The following PDE10A variants were observed in gnomAD, a reference collection of about 807,000 sequenced individuals.
PDE10A encodes the protein phosphodiesterase 10A.
Under a neutral mutation model 97.7 loss-of-function variants are expected in PDE10A, and 39 were observed. That is an observed-to-expected ratio of 0.40 (90% CI 0.31 to 0.52). The LOEUF is 0.52. PDE10A is among the 20% of genes least tolerant of loss of function. PDE10A has a pLI of 0.56. For synonymous variants in PDE10A, 371 were observed against 376.8 expected, an observed-to-expected ratio of 0.98 and a Z score of 0.18; for missense variants, 731 against 1,047.8, an observed-to-expected ratio of 0.70 and a Z score of 4.17.
At position 165,671,772 on chromosome 6, in the gene PDE10A, G is replaced by A. The variant is rs943346893; in HGVS notation, c.-614-128204C>T. 6.6e-6 allele frequency among the ~76,000 whole-genome samples: 1 copy of A among 152,088 alleles called. No individual in the cohort carries two copies. Among genetic ancestry groups the A allele is most frequent in the Non-Finnish European group, 1.5e-5 (1 of 68,026 alleles). On this transcript the variant is annotated intron_variant, in intron 1 of 19. Transcript: ENST00000366882. The surrounding 1 kb of genome is among the most constrained non-coding windows in gnomAD (Gnocchi z 4.6). ...GTGTTTACATATATACAGTGTGTGT[G>A]TGCTTTATTCTCTAAGGCAGGATGT... is the stretch of plus-strand genomic sequence containing the variant.
At chr6:165,834,352 C>T (rs1193319298) in intron 1 of PDE10A, among the ~76,000 whole-genome samples, 1 of 152,228 alleles carries the variant, frequency 6.6e-6, no homozygotes, top group Non-Finnish European at 1.5e-5. Flanking sequence ...ACACAGCACC[C>T]CTGAAGCAAG....
chr6:165,895,678 C>G (rs1373546520), intron 1 of PDE10A, among the ~76,000 whole-genome samples: 1 of 152,192 alleles, frequency 6.6e-6, no homozygotes, highest in Non-Finnish European at 1.5e-5. Context: ...CAAGCCTGCA[C>G]GTGCCCAAGT....
chr6:165,411,968 C>T (rs1319145545), intron 13 of PDE10A, among the ~76,000 whole-genome samples: 1 of 151,890 alleles, frequency 6.6e-6, no homozygotes, highest in Non-Finnish European at 1.5e-5. Flanking sequence ...AAGAAAAATT[C>T]ACGAACAGTT....
intron 1 of PDE10A, among the ~76,000 whole-genome samples, chr6:165,938,517 C>T (rs539193494): frequency 1.3e-5 from 2 of 152,220 alleles, no homozygotes; most frequent in Admixed American, 6.5e-5. Flanking sequence ...CTGAGGGCGC[C>T]AAGGGACCCT....
chr6:165,596,285 A>G (rs770282347), intron 1 of PDE10A, among the ~76,000 whole-genome samples: 1 of 152,130 alleles, frequency 6.6e-6, no homozygotes, highest in Non-Finnish European at 1.5e-5. Flanking sequence ...TGTGTCCACC[A>G]CGGCCCCAGC....
At chr6:165,573,317 T>A (rs1785142831) in intron 1 of PDE10A, among the ~76,000 whole-genome samples, 1 of 151,684 alleles carries the variant, frequency 6.6e-6, no homozygotes, top group South Asian at 2.1e-4. Flanking sequence ...GCGTTTGGCC[T>A]ATGCATTAGT....
intron 1 of PDE10A, among the ~76,000 whole-genome samples, chr6:165,758,062 C>T (rs904396529): frequency 2.6e-5 from 4 of 152,192 alleles, no homozygotes; most frequent in Non-Finnish European, 4.4e-5. Flanking sequence ...CCTGAACTGT[C>T]ATTAGTGACA....
intron 1 of PDE10A, among the ~76,000 whole-genome samples, chr6:165,610,381 A>G (rs1421952264): frequency 6.6e-6 from 1 of 152,012 alleles, no homozygotes; most frequent in Non-Finnish European, 1.5e-5. Flanking sequence ...AATACAAAAA[A>G]CTAGCTGGGC....
intron 1 of PDE10A, among the ~76,000 whole-genome samples, chr6:165,951,657 C>A (rs1044750749): frequency 6.6e-6 from 1 of 152,142 alleles, no homozygotes; most frequent in Non-Finnish European, 1.5e-5. Flanking sequence ...CACTGACTCC[C>A]CCATTTAGAC....
chr6:165,900,664 G>A (rs1371604148), intron 1 of PDE10A, among the ~76,000 whole-genome samples: 2 of 152,234 alleles, frequency 1.3e-5, no homozygotes, highest in African/African-American at 4.8e-5. Context: ...CAAACCCAGT[G>A]AGTATTGGTT....
chr6:165,658,155 A>T (rs2128429392), intron 1 of PDE10A, among the ~76,000 whole-genome samples: 1 of 152,318 alleles, frequency 6.6e-6, no homozygotes, highest in African/African-American at 2.4e-5. Flanking sequence ...TGTAGTTTGT[A>T]CGTGTTAAAC....
intron 13 of PDE10A, among the ~76,000 whole-genome samples, chr6:165,405,682 G>C (rs1172305607): frequency 6.6e-6 from 1 of 152,192 alleles, no homozygotes; most frequent in Admixed American, 6.5e-5. Flanking sequence ...ATGTTGGAAA[G>C]TAATAGATCA....
At chr6:165,622,398 T>G (rs968045300) in intron 1 of PDE10A, among the ~76,000 whole-genome samples, 1 of 152,146 alleles carries the variant, frequency 6.6e-6, no homozygotes, top group Non-Finnish European at 1.5e-5. Flanking sequence ...CACAAACCCA[T>G]ATGGTCCAGC....
intron 1 of PDE10A, among the ~76,000 whole-genome samples, chr6:165,944,899 ATCT>A (rs1180611639): frequency 1.3e-5 from 2 of 152,350 alleles, no homozygotes; most frequent in South Asian, 4.1e-4. Flanking sequence ...TGAAGTGAAA[ATCT>A]TCTGTGCTCA....
chr6:165,713,438 G>A (rs1791951202), intron 1 of PDE10A, among the ~76,000 whole-genome samples: 2 of 152,198 alleles, frequency 1.3e-5, no homozygotes, highest in African/African-American at 2.4e-5. Flanking sequence ...GTGGGGCTTA[G>A]CATTGTCCGT....
intron 1 of PDE10A, among the ~76,000 whole-genome samples, chr6:165,970,944 C>T (rs575859437): frequency 2.0e-5 from 3 of 152,076 alleles, no homozygotes; most frequent in South Asian, 4.2e-4. Flanking sequence ...ATCAGGAATT[C>T]GAGACCCAGC....
Position 165,653,599 on chromosome 6 carries a change from G to A in PDE10A, c.865+8348C>T, listed in dbSNP as rs145035250. ...GCAGAGGGACCTCCGTCTCCATCCC[G>A]GGGCACAGCTTTCCCCACCACACGT... On this transcript the variant is annotated intron_variant, in intron 1 of 21. Coordinates refer to ENST00000539869, the MANE Select transcript of PDE10A (RefSeq NM_001385079.1). 2.1e-3 allele frequency among the ~76,000 whole-genome samples: 321 copies of A among 152,248 alleles called. 6 individuals are homozygous for A. Among genetic ancestry groups the A allele is most frequent in the East Asian group, 0.013 (68 of 5,172 alleles).
chr6:165,987,168 C>T (rs2128505567), intron 1 of PDE10A, among the ~76,000 whole-genome samples: 1 of 152,292 alleles, frequency 6.6e-6, no homozygotes, highest in East Asian at 1.9e-4. Context: ...GCAGCTGGCG[C>T]GCAGCCCTCG....
intron 1 of PDE10A, among the ~76,000 whole-genome samples, chr6:165,810,185 C>A (rs1179782579): frequency 6.6e-6 from 1 of 152,190 alleles, no homozygotes; most frequent in African/African-American, 2.4e-5. Context: ...TTCAAGAACA[C>A]TGCATTCTGG....
Sources: gnomAD v4.1 joint callset for allele counts (sites outside exome capture counted in the v4.1 genomes callset) on GRCh38, gnomAD v4.1.1 for gene constraint, Gnocchi (gnomAD v3.1) non-coding constraint, MANE v1.5 for transcripts, NCBI Gene and HGNC (gene_info 2026-07-23, HGNC 2026-07-21) for gene names.